Variants in ZCCHC24 observed in about 807,000 individuals in gnomAD.
The protein encoded by ZCCHC24 is zinc finger CCHC domain-containing protein 24.
Under a neutral mutation model 26.2 loss-of-function variants are expected in ZCCHC24, and 10 were observed. The observed-to-expected ratio is 0.38, with a 90% confidence interval of 0.24 to 0.65. The LOEUF (loss-of-function observed/expected upper bound fraction) is 0.65, where lower values mean the gene tolerates loss of function less well. Among genes scored for constraint, ZCCHC24 ranks in the 30% least tolerant of loss-of-function variants. ZCCHC24 has a pLI of 0.54. For missense variants in ZCCHC24, 243 were observed against 329.1 expected (o/e 0.74, Z 2.03); for synonymous variants, 144 against 147.1 (o/e 0.98, Z 0.15).
At chr10:79,418,686 T>C (rs1856897781) in intron 2 of ZCCHC24, among the ~76,000 whole-genome samples, 1 of 152,176 alleles carries the variant, frequency 6.6e-6, no homozygotes, top group Non-Finnish European at 1.5e-5. Flanking sequence ...CTTCCAGGAC[T>C]GGGGCAGGGC....
intron 2 of ZCCHC24, among the ~76,000 whole-genome samples, chr10:79,415,740 C>T (rs973766250): frequency 3.3e-5 from 5 of 152,162 alleles, no homozygotes; most frequent in Non-Finnish European, 5.9e-5. Context: ...GCTGTTAGAG[C>T]CTCTGCCCAA....
intron 2 of ZCCHC24, among the ~76,000 whole-genome samples, chr10:79,418,029 C>T (rs1311491737): frequency 6.6e-6 from 1 of 152,196 alleles, no homozygotes; most frequent in Non-Finnish European, 1.5e-5. Flanking sequence ...GGCAGCCACC[C>T]CAGACATGGT....
chr10:79,444,301 G>T, intron 1 of ZCCHC24: 1 of 1,386,958 alleles, frequency 7.2e-7, no homozygotes, highest in Non-Finnish European at 9.3e-7. Context: ...ATCTGGGCAG[G>T]CCCTGGAGAC....
At chr10:79,400,956 CGAGT>C (rs1300976990) in intron 2 of ZCCHC24, among the ~76,000 whole-genome samples, 1 of 152,258 alleles carries the variant, frequency 6.6e-6, no homozygotes, top group African/African-American at 2.4e-5. Context: ...AGTCCCACCA[CGAGT>C]GAGTGATCCT....
At chr10:79,443,947 C>A (rs551452490) in intron 1 of ZCCHC24, among the ~76,000 whole-genome samples, 1 of 152,318 alleles carries the variant, frequency 6.6e-6, no homozygotes, top group Non-Finnish European at 1.5e-5. Context: ...TGGCCTTGGG[C>A]CAGCATTTTA....
intron 2 of ZCCHC24, among the ~76,000 whole-genome samples, chr10:79,406,249 T>C (rs1380096386): frequency 2.6e-5 from 4 of 152,148 alleles, no homozygotes; most frequent in Admixed American, 2.6e-4. Context: ...AACCATGGCC[T>C]TTCTCCCTGT....
intron 3 of ZCCHC24, among the ~76,000 whole-genome samples, chr10:79,387,886 A>G (rs770730437): frequency 4.5e-4 from 69 of 152,148 alleles, no homozygotes; most frequent in Non-Finnish European, 9.4e-4. Flanking sequence ...CCCCTGGCCC[A>G]GGGGTCATAA....
rs1857354674 is a variant in ZCCHC24 at position 79,445,493 on chromosome 10, C to A, written c.-53G>T. On this transcript the variant is annotated 5_prime_UTR_variant, in exon 1 of 4. Transcript: ENST00000372336. ...CGGCCGCCCGCTCGCGGCCCCCCTCCGCAGCGGAGGGGCGGGCACCGGGGA... is the reference window on the plus strand; with the variant it reads ...CGGCCGCCCGCTCGCGGCCCCCCTCAGCAGCGGAGGGGCGGGCACCGGGGA... 7.7e-7 allele frequency: 1 copy of A among 1,295,420 alleles called. No individual in the cohort carries two copies. Among genetic ancestry groups the A allele is most frequent in the Non-Finnish European group, 9.8e-7 (1 of 1,017,438 alleles). 80.2% of individuals were successfully genotyped at this position (1,295,420 alleles called of 1,614,324 possible).
intron 2 of ZCCHC24, among the ~76,000 whole-genome samples, chr10:79,406,405 G>C (rs1031091797): frequency 1.3e-5 from 2 of 152,108 alleles, no homozygotes; most frequent in African/African-American, 4.8e-5. Context: ...TTTTACAGGG[G>C]GGTCGCAGGG....
intron 2 of ZCCHC24, among the ~76,000 whole-genome samples, chr10:79,413,200 G>A (rs1314861970): frequency 1.3e-5 from 2 of 152,192 alleles, no homozygotes; most frequent in Admixed American, 6.5e-5. Context: ...TTTTCCCCTG[G>A]GGTCTCATTT....
chr10:79,393,891 C>A (rs1380874852), intron 3 of ZCCHC24, among the ~76,000 whole-genome samples: 1 of 152,102 alleles, frequency 6.6e-6, no homozygotes, highest in Non-Finnish European at 1.5e-5. Flanking sequence ...TGAGGTAAGA[C>A]CTTCCTAGGA....
intron 2 of ZCCHC24, among the ~76,000 whole-genome samples, chr10:79,415,539 G>A (rs527799065): frequency 2.0e-5 from 3 of 152,302 alleles, no homozygotes; most frequent in South Asian, 4.1e-4. Flanking sequence ...TTGCCTTCCT[G>A]GGTGAAGGTG....
At chr10:79,393,175 G>A (rs1022302814) in intron 3 of ZCCHC24, among the ~76,000 whole-genome samples, 1 of 152,136 alleles carries the variant, frequency 6.6e-6, no homozygotes, top group East Asian at 1.9e-4. Context: ...CTACGTTTAG[G>A]TTGATGACAC....
Position 79,424,180 on chromosome 10 carries a change from T to G in ZCCHC24, c.447+8378A>C, listed in dbSNP as rs542059987. ...CTGTGTTCTTCATCTGATCTGATAG[T>G]TCCCTAGTTCCCACTGATTTGTACT... is the stretch of plus-strand genomic sequence containing the variant. On this transcript the variant is annotated intron_variant, in intron 2 of 3. Coordinates refer to ENST00000372336, the MANE Select transcript of ZCCHC24 (RefSeq NM_153367.4). 1.4e-4 allele frequency among the ~76,000 whole-genome samples: 22 copies of G among 152,330 alleles called. 1 individual carries two copies. Among genetic ancestry groups the G allele is most frequent in the Admixed American group, 1.4e-3 (22 of 15,296 alleles).
intron 3 of ZCCHC24, among the ~76,000 whole-genome samples, chr10:79,387,628 G>T (rs1022252772): frequency 5.8e-4 from 36 of 62,486 alleles, no homozygotes; most frequent in Middle Eastern, 0.013. Context: ...ACATGCCCAG[G>T]AGAGGGGGCA....
In ZCCHC24 at chr10:79,384,884, G is replaced by C. The variant is rs1856367876; in HGVS notation, c.*1461C>G. The C allele has an allele frequency of 6.6e-6, 1 of 152,402 alleles. No individual in the cohort carries two copies. The highest frequency in any genetic ancestry group is 2.4e-5 in the African/African-American group (1 of 41,390). The allele number at this position is 152,402 out of a possible 1,614,324, so 9.4% of individuals were successfully genotyped here. ...CAAGAGACCCAGTTCTGACAGCCGGGAGAAAGGAAGGGTCAAGACCATGGA... is the reference window on the plus strand; with the variant it reads ...CAAGAGACCCAGTTCTGACAGCCGGCAGAAAGGAAGGGTCAAGACCATGGA... On this transcript the variant is annotated 3_prime_UTR_variant, in exon 4 of 4. Transcript: ENST00000372336.
At chr10:79,400,634 C>T (rs1856616447) in intron 2 of ZCCHC24, among the ~76,000 whole-genome samples, 1 of 152,206 alleles carries the variant, frequency 6.6e-6, no homozygotes, top group Non-Finnish European at 1.5e-5. Context: ...CACTCCCTGG[C>T]CTGCAGGCCC....
intron 3 of ZCCHC24, among the ~76,000 whole-genome samples, chr10:79,386,949 C>G (rs1856405951): frequency 6.6e-6 from 1 of 152,170 alleles, no homozygotes; most frequent in Non-Finnish European, 1.5e-5. Flanking sequence ...AGGCCTGGAC[C>G]CACATCTCCC....
chr10:79,421,139 A>G (rs907369777), intron 2 of ZCCHC24, among the ~76,000 whole-genome samples: 2 of 137,066 alleles, frequency 1.5e-5, no homozygotes, highest in Non-Finnish European at 3.1e-5. Flanking sequence ...TTGGGGCACT[A>G]CCCTAACGTC....
Sources: gnomAD v4.1 joint callset for allele counts (sites outside exome capture counted in the v4.1 genomes callset) on GRCh38, gnomAD v4.1.1 for gene constraint, MANE v1.5 for transcripts, NCBI Gene and HGNC (gene_info 2026-07-23, HGNC 2026-07-21) for gene names.